Variants in RBFOX2 observed in about 807,000 individuals in gnomAD.
RBFOX2 encodes the protein RNA binding fox-1 homolog 2, also known as RNA binding protein fox-1 homolog 2.
RBFOX2 carries 10 observed loss-of-function variants against 49.1 expected under a neutral mutation model. The ratio of observed to expected loss-of-function variants is 0.20; its 90% CI spans 0.13 to 0.35. The LOEUF (loss-of-function observed/expected upper bound fraction) is 0.35. Among genes scored for constraint, RBFOX2 ranks in the 10% least tolerant of loss-of-function variants. RBFOX2 has a pLI of 1.00. For missense variants in RBFOX2, 323 were observed against 486.9 expected (o/e 0.66, Z 3.17); for synonymous variants, 183 against 187.4 (o/e 0.98, Z 0.19).
intron 9 of RBFOX2, among the ~76,000 whole-genome samples, chr22:35,754,518 T>TA (rs1260082490): frequency 7.9e-5 from 12 of 152,338 alleles, no homozygotes; most frequent in African/African-American, 2.6e-4. Context: ...CTTGTTCTAA[T>TA]AGATCAGATT....
intron 1 of RBFOX2, among the ~76,000 whole-genome samples, chr22:35,815,513 G>C (rs1952853120): frequency 6.6e-6 from 1 of 152,042 alleles, no homozygotes; most frequent in East Asian, 1.9e-4. Flanking sequence ...AATTTTCTCA[G>C]TTTGGTCACC....
At chr22:35,880,570 G>GCAGTT (rs1474382510) in intron 1 of RBFOX2, among the ~76,000 whole-genome samples, 1 of 152,108 alleles carries the variant, frequency 6.6e-6, no homozygotes, top group Non-Finnish European at 1.5e-5. Flanking sequence ...TTCTTTTCAA[G>GCAGTT]CAGTTCAGTT....
intron 1 of RBFOX2, among the ~76,000 whole-genome samples, chr22:35,837,454 C>G (rs1441456279): frequency 6.6e-6 from 1 of 152,008 alleles, no homozygotes; most frequent in African/African-American, 2.4e-5. Flanking sequence ...TGTGACAGGT[C>G]ATTATCAAAT....
intron 1 of RBFOX2, chr22:35,840,075 G>T: frequency 1.5e-6 from 2 of 1,343,702 alleles, no homozygotes; most frequent in South Asian, 2.4e-5. Context: ...CAATAAATCT[G>T]GTCTGTTCTA....
At chr22:35,799,636 A>G (rs902667326) in intron 2 of RBFOX2, among the ~76,000 whole-genome samples, 7 of 152,158 alleles carry the variant, frequency 4.6e-5, no homozygotes, top group Admixed American at 3.3e-4. Context: ...TGATCTTAAA[A>G]GACTTATGAT....
At chr22:35,865,390 C>G (rs2043555127) in intron 1 of RBFOX2, among the ~76,000 whole-genome samples, 2 of 152,124 alleles carry the variant, frequency 1.3e-5, no homozygotes, top group Non-Finnish European at 2.9e-5. Flanking sequence ...GCACCAATTC[C>G]TCAGTTAAAC....
intron 1 of RBFOX2, among the ~76,000 whole-genome samples, chr22:35,969,945 C>G (rs570737924): frequency 1.3e-5 from 2 of 152,140 alleles, no homozygotes; most frequent in Non-Finnish European, 2.9e-5. Flanking sequence ...GGACTTGAGG[C>G]CATTTATCCT....
exon 1 of RBFOX2, chr22:36,028,394 G>C: frequency 1.6e-6 from 2 of 1,258,682 alleles, no homozygotes; most frequent in Non-Finnish European, 2.0e-6. Context: ...CCCGAGCTGA[G>C]GCGGCTGATG....
chr22:35,799,804 T>C (rs991766599), intron 2 of RBFOX2, among the ~76,000 whole-genome samples: 7 of 151,238 alleles, frequency 4.6e-5, no homozygotes, highest in Non-Finnish European at 1.0e-4. Flanking sequence ...AAAAAAAAAA[T>C]TAGCCGGGTG....
At chr22:35,989,227 A>T (rs1447573617) in intron 1 of RBFOX2, among the ~76,000 whole-genome samples, 1 of 152,204 alleles carries the variant, frequency 6.6e-6, no homozygotes, top group Non-Finnish European at 1.5e-5. Context: ...GAGCTTGCCC[A>T]AGGAGAAATA....
chr22:35,755,737 T>C (rs1466227933), intron 9 of RBFOX2, among the ~76,000 whole-genome samples: 1 of 152,044 alleles, frequency 6.6e-6, no homozygotes, highest in Non-Finnish European at 1.5e-5. Flanking sequence ...TCCTGTTATT[T>C]ATGTATGCAA....
intron 4 of RBFOX2, among the ~76,000 whole-genome samples, chr22:35,776,324 C>G (rs969312810): frequency 6.6e-6 from 1 of 152,124 alleles, no homozygotes; most frequent in African/African-American, 2.4e-5. Context: ...AAATACTTAC[C>G]AAGTGCTGGA....
chr22:35,889,256 T>C (rs1290285586), intron 1 of RBFOX2, among the ~76,000 whole-genome samples: 2 of 152,192 alleles, frequency 1.3e-5, no homozygotes, highest in Non-Finnish European at 2.9e-5. Context: ...TAAGCCATTA[T>C]GAGACCCGCT....
At chr22:35,841,722 T>A (rs1193037099), upstream of RBFOX2, among the ~76,000 whole-genome samples, 5 of 152,338 alleles carry the variant, frequency 3.3e-5, no homozygotes, top group East Asian at 5.8e-4. Flanking sequence ...TTCCCATTTT[T>A]AATTTTTATC....
At chr22:35,825,910 AG>A (rs1258025889) in intron 1 of RBFOX2, among the ~76,000 whole-genome samples, 1 of 137,314 alleles carries the variant, frequency 7.3e-6, no homozygotes, top group Non-Finnish European at 1.5e-5. Flanking sequence ...TGAACCCGGG[AG>A]GTGGAGGTTG....
chr22:36,002,721 T>C (rs1204632902), intron 1 of RBFOX2, among the ~76,000 whole-genome samples: 1 of 152,256 alleles, frequency 6.6e-6, no homozygotes, highest in Non-Finnish European at 1.5e-5. Flanking sequence ...CCTCCCAGGT[T>C]CAAGTGATCC....
intron 5 of RBFOX2, among the ~76,000 whole-genome samples, chr22:35,767,312 A>C (rs554813499): frequency 2.0e-5 from 3 of 150,750 alleles, no homozygotes; most frequent in East Asian, 3.9e-4. Context: ...TTCTTATTTA[A>C]TTGTTTTGTA....
Position 36,023,579 on chromosome 22 carries a change from T to C in RBFOX2, c.186+4661A>G, listed in dbSNP as rs144725976. On this transcript the variant is annotated intron_variant, in intron 1 of 13. Transcript: ENST00000438146. ...ATTCCCCACTACATTGTATAGAGCG[T>C]AAATTTCATACATATTAAACTTAAA... 2.1e-4 allele frequency among the ~76,000 whole-genome samples: 32 copies of C among 152,342 alleles called. No individual in the cohort carries two copies. The East Asian group carries it at 6.0e-3, about 28-fold the overall frequency.
At chr22:35,959,464 A>G (rs1569512271) in intron 1 of RBFOX2, among the ~76,000 whole-genome samples, 1 of 152,228 alleles carries the variant, frequency 6.6e-6, no homozygotes, top group Non-Finnish European at 1.5e-5. Context: ...ATGGAGAGAT[A>G]ATTCATCTTT....
Sources: gnomAD v4.1 joint callset for allele counts (sites outside exome capture counted in the v4.1 genomes callset) on GRCh38, gnomAD v4.1.1 for gene constraint, MANE v1.5 for transcripts, NCBI Gene and HGNC (gene_info 2026-07-23, HGNC 2026-07-21) for gene names.